Variants in KIF5B observed in about 807,000 individuals in gnomAD.
The protein encoded by KIF5B is kinesin-1 heavy chain.
Under a neutral mutation model 132.8 loss-of-function variants are expected in KIF5B, and 49 were observed. That is an observed-to-expected ratio of 0.37 (90% confidence interval 0.29 to 0.47). KIF5B has a LOEUF of 0.47. Ranked by LOEUF, KIF5B falls within the 20% of genes least tolerant of loss-of-function variation. KIF5B has a pLI of 1.00. For missense variants in KIF5B, 780 were observed against 1,144.0 expected, an observed-to-expected ratio of 0.68 and a Z score of 4.59; for synonymous variants, 355 against 369.4, an observed-to-expected ratio of 0.96 and a Z score of 0.45.
intron 18 of KIF5B, 43 bp downstream of exon 18, chr10:32,021,183 T>C: frequency 3.1e-6 from 5 of 1,605,634 alleles, no homozygotes; most frequent in Non-Finnish European, 4.3e-6. Flanking sequence ...TCAAAATTAA[T>C]ACTGATTAAT....
At chr10:32,055,327 T>C (rs1315076752) in intron 1 of KIF5B, among the ~76,000 whole-genome samples, 1 of 152,214 alleles carries the variant, frequency 6.6e-6, no homozygotes, top group Non-Finnish European at 1.5e-5. Flanking sequence ...TTTGGTGCTT[T>C]TTCCTTCTCC....
intron 1 of KIF5B, among the ~76,000 whole-genome samples, chr10:32,050,173 GA>G (rs1450135265): frequency 6.6e-6 from 1 of 152,118 alleles, no homozygotes; most frequent in Non-Finnish European, 1.5e-5. Context: ...AGTCTTAGCT[GA>G]AAAAGACCTA....
rs377766182 is a variant in KIF5B, at chr10:32,040,219, C to A, written c.288+165G>T. On this transcript the variant is annotated intron_variant, in intron 3 of 25. Transcript: ENST00000302418. ...ACAGGTATCCCTTACTATTTAAACT[C>A]AGGAACTGATTAGATTCCAACAATG... is the stretch of plus-strand genomic sequence containing the variant. 3.4e-4 allele frequency among the ~76,000 whole-genome samples: 51 copies of A among 152,234 alleles called. 1 individual carries two copies. The South Asian group carries it at 9.5e-3, about 28-fold the overall frequency.
At chr10:32,021,313 G>T (rs1362611324) in intron 17 of KIF5B, 26 bp from the exon 18 acceptor site, 1 of 1,539,938 alleles carries the variant, frequency 6.5e-7, no homozygotes, top group Admixed American at 1.7e-5. Context: ...GAAAATAGAA[G>T]AGTGAAATAA....
chr10:32,040,309 G>A (rs907495251), intron 3 of KIF5B, 75 bp downstream of exon 3: 2 of 874,356 alleles, frequency 2.3e-6, no homozygotes, highest in African/African-American at 1.7e-5. Flanking sequence ...GTTTATGCAT[G>A]GTGAAATAAT....
chr10:32,045,346 A>G (rs377150104), intron 2 of KIF5B, among the ~76,000 whole-genome samples: 1 of 152,246 alleles, frequency 6.6e-6, no homozygotes, highest in Admixed American at 6.5e-5. Context: ...ATTGCTTAGG[A>G]AAGACCAGAA....
Position 32,015,509 on chromosome 10 carries a change from C to A in KIF5B, c.*20G>T. 2 of 1,536,290 alleles carry A rather than the reference C, an allele frequency of 1.3e-6. No homozygotes were observed. The highest frequency in any genetic ancestry group is 1.8e-6 in the Non-Finnish European group (2 of 1,141,012). On this transcript the variant is annotated splice_region_variant and 3_prime_UTR_variant, in exon 25 of 26. Transcript: ENST00000302418. ...GAAAAGCCAGATATAAATAACAAAC[C>A]TGTGGGTATGTATAAACGATTACAC...
Position 32,034,039 on chromosome 10 carries a change from C to T in KIF5B, c.1112-1G>A. The T allele has an allele frequency of 6.5e-7, 1 of 1,531,576 alleles. No individual in the cohort carries two copies. The highest frequency in any genetic ancestry group is 1.3e-5 in the South Asian group (1 of 77,418). The allele number at this position is 1,531,576 out of a possible 1,614,324, so 94.9% of individuals were successfully genotyped here. On this transcript the variant is annotated splice_acceptor_variant, in intron 11 of 25. Coordinates refer to ENST00000302418, the MANE Select transcript of KIF5B (RefSeq NM_004521.3). LOFTEE classifies it high-confidence loss of function. ...TGTTCATCAATAGGCACCGTCTCCC[C>T]TAAAATAAGAAAATAAAGTGGTTAA...
At chr10:32,032,052 G>A (rs904854343) in intron 13 of KIF5B, among the ~76,000 whole-genome samples, 5 of 151,496 alleles carry the variant, frequency 3.3e-5, no homozygotes, top group Admixed American at 6.6e-5. Flanking sequence ...CTGCAGGGAT[G>A]CCAAGAGACT....
At chr10:32,030,636 TTACATCTATTCCAAA>T (rs1229722204) in intron 14 of KIF5B, among the ~76,000 whole-genome samples, 9 of 152,372 alleles carry the variant, frequency 5.9e-5, no homozygotes, top group African/African-American at 2.2e-4. Context: ...TTACATATCC[TTACATCTATTCCAAA>T]TAATTCACAG....
At chr10:32,043,040 T>G (rs942917293) in intron 2 of KIF5B, among the ~76,000 whole-genome samples, 1 of 152,032 alleles carries the variant, frequency 6.6e-6, no homozygotes, top group Non-Finnish European at 1.5e-5. Context: ...CAGGCTGGAG[T>G]GCAGTGGCGC....
At chr10:32,017,437 C>A in intron 23 of KIF5B, 78 bp from the exon 24 acceptor site, 1 of 1,138,322 alleles carries the variant, frequency 8.8e-7, no homozygotes, top group Non-Finnish European at 1.3e-6. Flanking sequence ...CATAATTGCT[C>A]TTTAGAAAAG....
intron 24 of KIF5B, among the ~76,000 whole-genome samples, chr10:32,016,669 G>A (rs1246867485): frequency 6.6e-6 from 1 of 151,920 alleles, no homozygotes; most frequent in Non-Finnish European, 1.5e-5. Flanking sequence ...AGCCTCCCAA[G>A]TTGCTGGGTT....
In KIF5B at chr10:32,021,148, G is replaced by A. The variant is rs200970990; in HGVS notation, c.2095-17C>T. 2.6e-4 allele frequency: 416 copies of A among 1,608,176 alleles called. 6 individuals carry two copies. The East Asian group carries it at 3.0e-3, about 12-fold the overall frequency. On this transcript the variant is annotated splice_polypyrimidine_tract_variant and intron_variant, in intron 18 of 25. Coordinates refer to ENST00000302418, the MANE Select transcript of KIF5B (RefSeq NM_004521.3). Reference sequence around the variant, plus strand: ...AACAGCTTGCTAAAATTTTGGGGGGGAAAAGGATGTTAAAGTCAGACTAAT... The same window carrying A: ...AACAGCTTGCTAAAATTTTGGGGGGAAAAAGGATGTTAAAGTCAGACTAAT...
Position 32,018,575 on chromosome 10 carries a change from G to C in KIF5B, c.2307-13C>G. 2 of 1,586,924 alleles carry C rather than the reference G, an allele frequency of 1.3e-6. No individual in the cohort carries two copies. Among genetic ancestry groups the C allele is most frequent in the African/African-American group, 2.8e-5 (2 of 70,330 alleles). ...ATCTTGCATAACCCTAACAGTAGAA[G>C]AACAAACATATATTTTCAAATTTTA... On this transcript the variant is annotated splice_polypyrimidine_tract_variant and intron_variant, in intron 20 of 25. Transcript: ENST00000302418.
chr10:32,034,065 T>TA lies in KIF5B; in HGVS notation c.1112-28dup, dbSNP rs762247510. ...TAAAATAAGAAAATAAAGTGGTTAA[T>TA]AAAAAAACGACGTCTAAAGCTAATT... On this transcript the variant is annotated intron_variant, in intron 11 of 25. Coordinates refer to ENST00000302418, the MANE Select transcript of KIF5B (RefSeq NM_004521.3). 23 of 1,394,660 alleles carry TA rather than the reference T, an allele frequency of 1.6e-5. No homozygotes were observed. The East Asian group carries it at 2.5e-4, about 15-fold the overall frequency. 86.4% of individuals were successfully genotyped at this position (1,394,660 alleles called of 1,614,324 possible).
At chr10:32,039,777 A>C (rs907191186) in intron 3 of KIF5B, among the ~76,000 whole-genome samples, 3 of 152,200 alleles carry the variant, frequency 2.0e-5, no homozygotes, top group Admixed American at 6.5e-5. Flanking sequence ...TCATGCAAAT[A>C]CTAGGATGTC....
intron 17 of KIF5B, among the ~76,000 whole-genome samples, chr10:32,021,850 T>G (rs1352965046): frequency 6.6e-6 from 1 of 152,054 alleles, no homozygotes; most frequent in Admixed American, 6.6e-5. Context: ...CATGTGCCTG[T>G]GGTCCTAGCT....
intron 25 of KIF5B, among the ~76,000 whole-genome samples, chr10:32,012,272 A>G (rs1841093924): frequency 6.6e-6 from 1 of 152,180 alleles, no homozygotes; most frequent in Non-Finnish European, 1.5e-5. Flanking sequence ...CAGGAGTTCA[A>G]TACCAGCCTG....
Sources: gnomAD v4.1 joint callset for allele counts (sites outside exome capture counted in the v4.1 genomes callset) on GRCh38, gnomAD v4.1.1 for gene constraint, MANE v1.5 for transcripts, NCBI Gene and HGNC (gene_info 2026-07-23, HGNC 2026-07-21) for gene names.